DMTF1: variants seen among roughly 807,000 people sequenced by gnomAD.
DMTF1 encodes cyclin D binding myb like transcription factor 1.
Under a neutral mutation model 91.1 loss-of-function variants are expected in DMTF1, and 39 were observed. That is an observed-to-expected ratio of 0.43 (90% CI 0.33 to 0.56). The LOEUF (loss-of-function observed/expected upper bound fraction) is 0.56, where lower values mean the gene tolerates loss of function less well. DMTF1 is among the 20% of genes least tolerant of loss of function. The pLI is 0.05. For missense variants in DMTF1, 750 were observed against 914.5 expected (o/e 0.82, Z 2.32); for synonymous variants, 338 against 309.5 (o/e 1.09, Z -0.97).
At position 87,166,511 on chromosome 7, in the gene DMTF1, T is replaced by C. The variant is rs761550392; in HGVS notation, c.138T>C (p.Ser46=). Residue 46 remains serine (S), a synonymous_variant, in exon 4 of 18, where the codon AGT becomes AGC. Coordinates refer to ENST00000331242, the MANE Select transcript of DMTF1 (RefSeq NM_001142327.2). ...NEADEIDSED[S]IEPPHKRLCL... is the part of the protein sequence containing the mutation. The stretch of plus-strand genomic sequence containing the variant: ...CGGATGAAATAGACTCAGAAGATAG[T>C]ATTGAACCTCCACATAAAAGGCTTT... 6.2e-7 allele frequency: 1 copy of C among 1,613,460 alleles called. No homozygotes were observed.
chr7:87,188,539 C>T (rs1316210644), intron 13 of DMTF1, among the ~76,000 whole-genome samples: 2 of 152,016 alleles, frequency 1.3e-5, no homozygotes, highest in South Asian at 2.1e-4. Flanking sequence ...ATCTTAATTT[C>T]TAGATTTTGT....
rs1562811200 is a variant in DMTF1, at chr7:87,173,661, C to T, written c.442+12C>T. 1.3e-6 allele frequency: 2 copies of T among 1,560,512 alleles called. No homozygotes were observed. Among genetic ancestry groups the T allele is most frequent in the Admixed American group, 3.5e-5 (2 of 56,404 alleles). On this transcript the variant is annotated intron_variant, in intron 6 of 17. Coordinates refer to ENST00000331242, the MANE Select transcript of DMTF1 (RefSeq NM_001142327.2). ...TCTGACTAATAAAGGTAAGATAACA[C>T]TGTGAATTTTAGTGCCTAGTGAAAA...
Position 87,171,065 on chromosome 7 carries a change from T to G in DMTF1, c.303T>G (p.Thr101=). Residue 101 remains threonine, a synonymous_variant, in exon 5 of 18, where the codon ACT becomes ACG. Transcript: ENST00000331242. ...ATTEVADDEV[T]EGTVTQIQIL... Reference sequence around the variant, plus strand: ...CAGAAGTAGCAGATGATGAGGTTACTGAGGGGACTGTGACACAGATACAGG... The same window carrying G: ...CAGAAGTAGCAGATGATGAGGTTACGGAGGGGACTGTGACACAGATACAGG... The G allele has an allele frequency of 6.2e-7, 1 of 1,610,328 alleles. No individual in the cohort carries two copies. The highest frequency in any genetic ancestry group is 8.5e-7 in the Non-Finnish European group (1 of 1,176,790).
Position 87,165,059 on chromosome 7 carries a change from A to C in DMTF1, c.109+9A>C, listed in dbSNP as rs774208522. 6.4e-7 allele frequency: 1 copy of C among 1,574,606 alleles called. No homozygotes were observed. The highest frequency in any genetic ancestry group is 8.7e-7 in the Non-Finnish European group (1 of 1,148,492). On this transcript the variant is annotated intron_variant, in intron 3 of 17. Transcript: ENST00000331242. ...TCACTGCCCTCAGAATGGTAGGAGA[A>C]CTTGCTGACATATAATTCTGACTCT...
At chr7:87,194,530 T>A (rs1800762020) in intron 16 of DMTF1, 154 bp from the exon 17 acceptor site, 2 of 536,950 alleles carry the variant, frequency 3.7e-6, no homozygotes, top group African/African-American at 3.9e-5. Context: ...GATTGTGAGG[T>A]CATCTTTTGT....
chr7:87,165,117 C>T, intron 3 of DMTF1, 67 bp downstream of exon 3: 5 of 1,169,614 alleles, frequency 4.3e-6, no homozygotes, highest in Non-Finnish European at 1.2e-6. Flanking sequence ...ACTTTTGACC[C>T]CTATTGCCCA....
chr7:87,153,090 C>A (rs1475863498), intron 1 of DMTF1: 1 of 152,296 alleles, frequency 6.6e-6, no homozygotes, highest in Non-Finnish European at 1.5e-5. Context: ...ACCCAACTTC[C>A]CCCCCTTTGC....
intron 13 of DMTF1, among the ~76,000 whole-genome samples, chr7:87,190,067 T>TTCACA (rs1023764234): frequency 2.4e-4 from 36 of 152,226 alleles, no homozygotes; most frequent in African/African-American, 7.7e-4. Flanking sequence ...TTCACATAAT[T>TTCACA]TACCTATAGG....
intron 2 of DMTF1, among the ~76,000 whole-genome samples, chr7:87,163,932 A>G (rs1221556840): frequency 6.6e-6 from 1 of 151,852 alleles, no homozygotes; most frequent in East Asian, 1.9e-4. Context: ...GTACCCAGCT[A>G]TTCGGGTGGC....
intron 1 of DMTF1, among the ~76,000 whole-genome samples, chr7:87,157,989 G>T (rs1322620184): frequency 6.6e-6 from 1 of 152,030 alleles, no homozygotes; most frequent in East Asian, 1.9e-4. Context: ...ATGCATTAAA[G>T]AAGTTCACTG....
Position 87,185,973 on chromosome 7 carries a change from G to T in DMTF1, c.1194G>T (p.Ser398=), listed in dbSNP as rs768926617. 1 of 1,613,670 alleles carries T rather than the reference G, an allele frequency of 6.2e-7. No homozygotes were observed. Among genetic ancestry groups the T allele is most frequent in the Non-Finnish European group, 8.5e-7 (1 of 1,179,752 alleles). ...AAATTGCAAACCATAAGGATGTTTC[G>T]TTCCCTGGTAATGTATTACTTACTT... ...KRQIANHKDV[S]FPVLIKGLKQ... The change falls in exon 12 of 18, where the codon TCG becomes TCT. Residue 398 remains serine, a synonymous_variant. Transcript: ENST00000331242.
chr7:87,165,211 A>G (rs148610993), intron 3 of DMTF1, among the ~76,000 whole-genome samples, 161 bp downstream of exon 3: 27 of 152,332 alleles, frequency 1.8e-4, no homozygotes, highest in African/African-American at 5.5e-4. Context: ...GTTTTTGTCA[A>G]TCTTGTTGCT....
At position 87,173,552 on chromosome 7, in the gene DMTF1, A is replaced by C; in HGVS notation, c.345A>C (p.Gln115His). Residue 115 changes from glutamine to histidine, a missense_variant, in exon 6 of 18, where the codon CAA (glutamine) becomes CAC (histidine). By Grantham distance (24) the Gln-to-His change is conservative. Transcript: ENST00000331242. ...TTTTCAAGATTTTGCAGAATGAGCAACTAGATGAAATATCTCCCTTGGGTA... is the reference window on the plus strand; with the variant it reads ...TTTTCAAGATTTTGCAGAATGAGCACCTAGATGAAATATCTCCCTTGGGTA... ...VTQIQILQNEQLDEISPLGNE... is the reference protein window; with the variant it reads ...VTQIQILQNEHLDEISPLGNE... The C allele has an allele frequency of 6.2e-7, 1 of 1,606,172 alleles. No individual in the cohort carries two copies. Among genetic ancestry groups the C allele is most frequent in the African/African-American group, 1.3e-5 (1 of 74,434 alleles).
chr7:87,190,917 A>G (rs1271072152), intron 13 of DMTF1, 28 bp from the exon 14 acceptor site: 1 of 1,571,804 alleles, frequency 6.4e-7, no homozygotes, highest in Non-Finnish European at 8.7e-7. Context: ...AATTATTCTT[A>G]CCACAGCTTA....
At chr7:87,169,307 A>C (rs1453054484) in intron 4 of DMTF1, among the ~76,000 whole-genome samples, 1 of 151,788 alleles carries the variant, frequency 6.6e-6, no homozygotes. Flanking sequence ...ACGAATACAA[A>C]AATTAGCTGG....
intron 1 of DMTF1, among the ~76,000 whole-genome samples, chr7:87,160,608 T>C (rs763181726): frequency 2.0e-5 from 3 of 152,164 alleles, no homozygotes; most frequent in Admixed American, 6.6e-5. Context: ...CTTCTAATTC[T>C]GTACATACTT....
rs1442780085 is a variant in DMTF1 at position 87,194,045 on chromosome 7, C to A, written c.1971C>A (p.Asp657Glu). 4.3e-6 allele frequency: 7 copies of A among 1,612,054 alleles called. No individual in the cohort carries two copies. Among genetic ancestry groups the A allele is most frequent in the Non-Finnish European group, 4.2e-6 (5 of 1,179,076 alleles). ...TCAGAACAGAAGAAGAAATCTCTGA[C>A]ACCGACCTTAAACAAGAGGAATCAC... Reference protein sequence around the residue: ...VMVRTEEEISDTDLKQEESPS... With the variant: ...VMVRTEEEISETDLKQEESPS... The change falls in exon 16 of 18, where the codon GAC becomes GAA. Residue 657 changes from aspartate (D) to glutamate (E), a missense_variant. Asp to Glu is a conservative substitution (Grantham distance 45). This residue lies in a region of DMTF1 where 410 missense variants were observed against 420.2 expected (regional missense o/e 0.98). Coordinates refer to ENST00000331242, the MANE Select transcript of DMTF1 (RefSeq NM_001142327.2).
intron 7 of DMTF1, among the ~76,000 whole-genome samples, chr7:87,178,850 A>G (rs1413886703): frequency 6.6e-6 from 1 of 151,414 alleles, no homozygotes; most frequent in African/African-American, 2.4e-5. Context: ...CTATAATGTC[A>G]TCTATGTCAT....
At chr7:87,167,531 A>G (rs191941048) in intron 4 of DMTF1, among the ~76,000 whole-genome samples, 5 of 152,244 alleles carry the variant, frequency 3.3e-5, no homozygotes, top group Non-Finnish European at 7.3e-5. Flanking sequence ...GCAAAATCAC[A>G]TCTTCATCTT....
Sources: gnomAD v4.1 joint callset for allele counts (sites outside exome capture counted in the v4.1 genomes callset) on GRCh38, gnomAD v4.1.1 for gene constraint, gnomAD v4.1.1 regional missense constraint, MANE v1.5 for transcripts, NCBI Gene and HGNC (gene_info 2026-07-23, HGNC 2026-07-21) for gene names.